The following DPP6 variants were observed in gnomAD, a reference collection of about 807,000 sequenced individuals.
DPP6 encodes A-type potassium channel modulatory protein DPP6.
DPP6 carries 69 observed loss-of-function variants against 122.6 expected under a neutral mutation model. That is an observed-to-expected ratio of 0.56 (90% CI 0.46 to 0.69). DPP6 has a LOEUF of 0.69. DPP6 is among the 30% of genes least tolerant of loss of function. DPP6 has a pLI of 0.00. For missense variants in DPP6, 928 were observed against 1,116.9 expected (o/e 0.83, Z 2.41); for synonymous variants, 418 against 433.1 (o/e 0.97, Z 0.43).
chr7:153,900,305 C>G (rs1485249829), intron 1 of DPP6, among the ~76,000 whole-genome samples: 1 of 150,450 alleles, frequency 6.6e-6, no homozygotes, highest in Non-Finnish European at 1.5e-5. Flanking sequence ...TTCAGATTTT[C>G]AGGTATCTTT....
chr7:154,108,062 A>C (rs539305744), intron 1 of DPP6, among the ~76,000 whole-genome samples: 1 of 152,196 alleles, frequency 6.6e-6, no homozygotes, highest in East Asian at 1.9e-4. Flanking sequence ...TGTTCACCCA[A>C]ATATATAAAG....
At chr7:154,322,074 C>T (rs1490814008) in intron 1 of DPP6, among the ~76,000 whole-genome samples, 5 of 88,478 alleles carry the variant, frequency 5.7e-5, no homozygotes, top group Non-Finnish European at 4.3e-5. Flanking sequence ...CAGCTTAGTT[C>T]TCTAGAAGAG....
chr7:154,851,684 C>T (rs1802394058), intron 16 of DPP6, among the ~76,000 whole-genome samples: 1 of 152,208 alleles, frequency 6.6e-6, no homozygotes, highest in South Asian at 2.1e-4. Context: ...ATTTAAGATA[C>T]TCAGTTACAT....
rs1804732839 is a variant in DPP6, at chr7:154,875,061, C to G, written c.1884-845C>G. On this transcript the variant is annotated intron_variant, in intron 19 of 25. Coordinates refer to ENST00000377770, the MANE Select transcript of DPP6 (RefSeq NM_130797.4). The surrounding 1 kb of genome is among the most constrained non-coding windows in gnomAD (Gnocchi z 4.5). ...CCTGCAGTGAACCAAGATTGTGCCA[C>G]TGCACTCCAGCCTGGCCGACAGAGT... 6.6e-6 allele frequency among the ~76,000 whole-genome samples: 1 copy of G among 151,480 alleles called. No individual in the cohort carries two copies. Among genetic ancestry groups the G allele is most frequent in the African/African-American group, 2.4e-5 (1 of 41,150 alleles).
At chr7:154,376,118 A>T (rs1389086450) in intron 1 of DPP6, among the ~76,000 whole-genome samples, 2 of 152,214 alleles carry the variant, frequency 1.3e-5, no homozygotes. Context: ...TTATTTGCTC[A>T]TATGGTACTT....
chr7:154,156,937 A>G (rs1233162066), intron 1 of DPP6, among the ~76,000 whole-genome samples: 1 of 152,272 alleles, frequency 6.6e-6, no homozygotes, highest in African/African-American at 2.4e-5. Flanking sequence ...GGAGGTATAT[A>G]TTGGTGCTAT....
intron 6 of DPP6, among the ~76,000 whole-genome samples, chr7:154,645,898 G>A (rs907777825): frequency 1.3e-5 from 2 of 151,726 alleles, no homozygotes; most frequent in Non-Finnish European, 2.9e-5. Context: ...CATGGTGGTG[G>A]GCACCTGTAG....
chr7:154,612,868 A>ACG (rs1833997938), intron 5 of DPP6, among the ~76,000 whole-genome samples: 1 of 132,460 alleles, frequency 7.5e-6, no homozygotes, highest in Non-Finnish European at 1.7e-5. Flanking sequence ...TTATTGTCTT[A>ACG]TTTGGGCTAC....
chr7:154,023,318 G>GCACGCACGCACACACA (rs373378162), intron 1 of DPP6, among the ~76,000 whole-genome samples: 40 of 129,618 alleles, frequency 3.1e-4, no homozygotes, highest in Middle Eastern at 3.9e-3. Flanking sequence ...TTTCTTGTCT[G>GCACGCACGCACACACA]CACACACACA....
At chr7:154,228,907 T>G (rs1193384412) in intron 1 of DPP6, among the ~76,000 whole-genome samples, 1 of 152,160 alleles carries the variant, frequency 6.6e-6, no homozygotes, top group Non-Finnish European at 1.5e-5. Flanking sequence ...TTACAGATTT[T>G]GTAAGATTAG....
intron 7 of DPP6, among the ~76,000 whole-genome samples, chr7:154,701,910 T>A (rs1257607565): frequency 6.6e-6 from 1 of 152,240 alleles, no homozygotes; most frequent in Non-Finnish European, 1.5e-5. Context: ...TGCACTTCAC[T>A]GTATTCTGCT....
intron 1 of DPP6, among the ~76,000 whole-genome samples, chr7:154,046,568 G>T (rs1800026739): frequency 6.6e-6 from 1 of 152,178 alleles, no homozygotes; most frequent in East Asian, 1.9e-4. Context: ...TTATGCTCTT[G>T]AAAGAAGATG....
intron 1 of DPP6, among the ~76,000 whole-genome samples, chr7:153,917,166 T>C (rs909226280): frequency 5.9e-5 from 9 of 152,194 alleles, no homozygotes; most frequent in Non-Finnish European, 4.4e-5. Context: ...CAAGTTCTTA[T>C]AGGGTCTACA....
intron 2 of DPP6, among the ~76,000 whole-genome samples, chr7:154,456,564 G>GA (rs564651754): frequency 1.0e-5 from 1 of 96,704 alleles, no homozygotes; most frequent in African/African-American, 3.3e-5. Flanking sequence ...TAAAAAATGC[G>GA]CCCCCCCCAC....
At chr7:154,716,150 C>T (rs1212745557) in intron 7 of DPP6, among the ~76,000 whole-genome samples, 1 of 152,162 alleles carries the variant, frequency 6.6e-6, no homozygotes, top group Non-Finnish European at 1.5e-5. Context: ...CTCCCATCTC[C>T]CCTCAGCCGT....
rs770190091 is a variant in DPP6, at chr7:154,868,054, C to A, written c.1774C>A (p.Pro592Thr). The A allele has an allele frequency of 6.2e-7, 1 of 1,609,368 alleles. No individual in the cohort carries two copies. The highest frequency in any genetic ancestry group is 1.1e-5 in the South Asian group (1 of 89,450). The change falls in exon 18 of 26, where the codon CCT (proline) becomes ACT (threonine). Residue 592 changes from proline to threonine, a missense_variant. By Grantham distance (38) the Pro-to-Thr change is conservative (BLOSUM62 -1). Coordinates refer to ENST00000377770, the MANE Select transcript of DPP6 (RefSeq NM_130797.4). The part of the protein sequence containing the change: ...VKKAINDRQM[P>T]KVEYRDIEID... ...GAAGGCCATAAATGACCGACAGATG[C>A]CTAAAGTGGAATACAGGGACATTGA...
At chr7:154,806,268 T>C (rs569520775) in intron 15 of DPP6, among the ~76,000 whole-genome samples, 1 of 152,376 alleles carries the variant, frequency 6.6e-6, no homozygotes, top group South Asian at 2.1e-4. Context: ...AAACCTATGG[T>C]TAGAGGGGAC....
chr7:154,129,623 G>T (rs1486289033), intron 1 of DPP6, among the ~76,000 whole-genome samples: 2 of 152,226 alleles, frequency 1.3e-5, no homozygotes, highest in Admixed American at 1.3e-4. Context: ...TTAGCGGCCG[G>T]GCACAGTGGC....
rs779419087 is a variant in DPP6, at chr7:154,760,270, G to A, written c.884-9147G>A. Reference sequence around the variant, plus strand: ...TTAGCAGGTGATTGGTGGAAGGAACGGGGAGGTTTGGAAAGTCCTTCAGCA... The same window carrying A: ...TTAGCAGGTGATTGGTGGAAGGAACAGGGAGGTTTGGAAAGTCCTTCAGCA... On this transcript the variant is annotated intron_variant, in intron 8 of 25. Transcript: ENST00000377770. This position sits in a 1 kb window ranked among gnomAD's most constrained non-coding sequence, Gnocchi z 4.5. Among the ~76,000 whole-genome samples the A allele has an allele frequency of 5.3e-5, 8 of 152,170 alleles. No individual in the cohort carries two copies. Among genetic ancestry groups the A allele is most frequent in the Non-Finnish European group, 7.3e-5 (5 of 68,040 alleles).
Sources: gnomAD v4.1 joint callset for allele counts (sites outside exome capture counted in the v4.1 genomes callset) on GRCh38, gnomAD v4.1.1 for gene constraint, Gnocchi (gnomAD v3.1) non-coding constraint, MANE v1.5 for transcripts, NCBI Gene and HGNC (gene_info 2026-07-23, HGNC 2026-07-21) for gene names.